The following SEMA6D variants were observed in gnomAD, a reference collection of about 807,000 sequenced individuals.
SEMA6D encodes semaphorin 6D.
In SEMA6D, 35 loss-of-function variants were observed where a neutral mutation model predicts 106.6. That is an observed-to-expected ratio of 0.33 (90% CI 0.25 to 0.44). The LOEUF is 0.44. SEMA6D is among the 20% of genes least tolerant of loss of function. The pLI is 1.00. For synonymous variants in SEMA6D, 499 were observed against 487.7 expected (o/e 1.02, Z -0.31); for missense variants, 1,185 against 1,345.9 (o/e 0.88, Z 1.87).
intron 1 of SEMA6D, among the ~76,000 whole-genome samples, chr15:47,370,506 C>T (rs548370640): frequency 6.6e-6 from 1 of 151,526 alleles, no homozygotes; most frequent in East Asian, 1.9e-4. Context: ...CAGAGACAGA[C>T]TCTGTCTCAA....
At chr15:47,298,252 G>T (rs1312869709) in intron 1 of SEMA6D, among the ~76,000 whole-genome samples, 1 of 152,108 alleles carries the variant, frequency 6.6e-6, no homozygotes, top group African/African-American at 2.4e-5. Flanking sequence ...CTAGCCCTGT[G>T]GAGCTCCCAG....
chr15:47,333,465 C>G (rs142070989), intron 1 of SEMA6D, among the ~76,000 whole-genome samples: 2 of 152,028 alleles, frequency 1.3e-5, no homozygotes, highest in East Asian at 3.9e-4. Context: ...ACAAAACACC[C>G]CACTGTCCAT....
intron 4 of SEMA6D, among the ~76,000 whole-genome samples, chr15:47,612,367 C>T (rs897718977): frequency 1.3e-5 from 2 of 152,146 alleles, no homozygotes; most frequent in African/African-American, 4.8e-5. Flanking sequence ...CAGTCCCTTG[C>T]CTACCTAAAC....
Position 47,222,020 on chromosome 15 carries a change from C to G in SEMA6D, c.-239+37602C>G, listed in dbSNP as rs571591782. ...GCAAGCGCACACACACACACACGCA[C>G]AGACACACGCATGCACACGCACACT... On this transcript the variant is annotated intron_variant, in intron 1 of 19. Transcript: ENST00000558014. Among the ~76,000 whole-genome samples, 3 of 152,214 alleles carry G rather than the reference C, an allele frequency of 2.0e-5. No homozygotes were observed. The South Asian group carries it at 6.2e-4, about 32-fold the overall frequency.
intron 1 of SEMA6D, among the ~76,000 whole-genome samples, chr15:47,192,786 C>G (rs192510071): frequency 1.2e-4 from 19 of 152,214 alleles, no homozygotes; most frequent in African/African-American, 4.3e-4. Context: ...ATATACTCAT[C>G]TTGGAAGAGA....
At chr15:47,653,901 T>G (rs933594261) in intron 4 of SEMA6D, among the ~76,000 whole-genome samples, 2 of 152,118 alleles carry the variant, frequency 1.3e-5, no homozygotes, top group African/African-American at 4.8e-5. Flanking sequence ...CAATGCCTCA[T>G]TAGTATATTC....
At chr15:47,526,707 G>A (rs1480527439) in intron 3 of SEMA6D, among the ~76,000 whole-genome samples, 2 of 152,146 alleles carry the variant, frequency 1.3e-5, no homozygotes, top group African/African-American at 4.8e-5. Context: ...GGTGATGGTG[G>A]TTGGCACCAA....
intron 1 of SEMA6D, among the ~76,000 whole-genome samples, chr15:47,344,729 T>C (rs915763274): frequency 2.0e-5 from 3 of 152,192 alleles, no homozygotes; most frequent in African/African-American, 4.8e-5. Context: ...TAGCAAAATA[T>C]GGCAAGAAGA....
chr15:47,235,587 G>A (rs566441717), intron 1 of SEMA6D, among the ~76,000 whole-genome samples: 325 of 151,848 alleles, frequency 2.1e-3, no homozygotes, highest in African/African-American at 7.5e-3. Flanking sequence ...TTCTTTCTTC[G>A]ATTTATGTTT....
At chr15:47,275,952 A>G (rs1313658703) in intron 1 of SEMA6D, among the ~76,000 whole-genome samples, 1 of 152,140 alleles carries the variant, frequency 6.6e-6, no homozygotes, top group African/African-American at 2.4e-5. Context: ...GAATGATATG[A>G]AAGCGAAACA....
At chr15:47,190,059 G>A (rs1238539151) in intron 1 of SEMA6D, among the ~76,000 whole-genome samples, 5 of 152,184 alleles carry the variant, frequency 3.3e-5, no homozygotes. Flanking sequence ...ATTCAAATTG[G>A]TGTTTGAGCT....
At chr15:47,659,790 T>C (rs1252318862) in intron 4 of SEMA6D, among the ~76,000 whole-genome samples, 1 of 152,080 alleles carries the variant, frequency 6.6e-6, no homozygotes, top group Non-Finnish European at 1.5e-5. Flanking sequence ...TCTAAATAAA[T>C]GAAAGATGTT....
intron 1 of SEMA6D, among the ~76,000 whole-genome samples, chr15:47,750,167 A>T (rs1189909392): frequency 1.4e-4 from 22 of 152,142 alleles, no homozygotes. Flanking sequence ...AAGCAGAGGC[A>T]GCCTCAAGGT....
At chr15:47,353,349 A>G (rs557800229) in intron 1 of SEMA6D, among the ~76,000 whole-genome samples, 26 of 152,306 alleles carry the variant, frequency 1.7e-4, no homozygotes, top group African/African-American at 5.8e-4. Flanking sequence ...CCTAGAGCCA[A>G]TGAAATAAAA....
chr15:47,681,142 A>G (rs2078344867), intron 4 of SEMA6D, among the ~76,000 whole-genome samples: 1 of 152,248 alleles, frequency 6.6e-6, no homozygotes, highest in South Asian at 2.1e-4. Flanking sequence ...TCCAATGTCC[A>G]CTGCAGCATT....
At chr15:47,211,457 C>T (rs2141225965) in intron 1 of SEMA6D, among the ~76,000 whole-genome samples, 1 of 152,236 alleles carries the variant, frequency 6.6e-6, no homozygotes, top group South Asian at 2.1e-4. Flanking sequence ...TAATACAAAG[C>T]AGTATATTTC....
At chr15:47,768,536 A>G (rs755363356) in intron 17 of SEMA6D, 45 bp from the exon 18 acceptor site, 107 of 1,441,888 alleles carry the variant, frequency 7.4e-5, no homozygotes, top group Admixed American at 2.2e-5. Context: ...ATCAAAAAAA[A>G]TCTTGACACT....
intron 1 of SEMA6D, among the ~76,000 whole-genome samples, chr15:47,345,406 G>A (rs1173864522): frequency 6.6e-6 from 1 of 152,118 alleles, no homozygotes; most frequent in African/African-American, 2.4e-5. Flanking sequence ...ATCTGCTCAT[G>A]TATGGACACT....
Position 47,771,969 on chromosome 15 carries a change from G to C in SEMA6D, c.*184G>C. On this transcript the variant is annotated 3_prime_UTR_variant, in exon 19 of 19. Coordinates refer to ENST00000536845, the MANE Select transcript of SEMA6D (RefSeq NM_001358351.3). ...ATGTAGCTACTGCAGCAAGGCTTCTGTGTACTTGCCTGAAAACAAAGGAAG... is the reference window on the plus strand; with the variant it reads ...ATGTAGCTACTGCAGCAAGGCTTCTCTGTACTTGCCTGAAAACAAAGGAAG... 1 of 611,116 alleles carries C rather than the reference G, an allele frequency of 1.6e-6. No individual in the cohort carries two copies. Among genetic ancestry groups the C allele is most frequent in the South Asian group, 2.2e-5 (1 of 44,924 alleles). The allele number at this position is 611,116 out of a possible 1,614,324, so 37.9% of individuals were successfully genotyped here.
Sources: gnomAD v4.1 joint callset for allele counts (sites outside exome capture counted in the v4.1 genomes callset) on GRCh38, gnomAD v4.1.1 for gene constraint, MANE v1.5 for transcripts, NCBI Gene and HGNC (gene_info 2026-07-23, HGNC 2026-07-21) for gene names.